The following RP1 variants were observed in gnomAD, a reference collection of about 807,000 sequenced individuals.
RP1 encodes oxygen-regulated protein 1.
RP1 carries 16 observed loss-of-function variants against 14.8 expected under a neutral mutation model. The observed-to-expected ratio is 1.08, with a 90% CI of 0.73 to 1.65. RP1 has a LOEUF of 1.65. Ranked by LOEUF, RP1 falls within the 40% of genes most tolerant of loss-of-function variation. The pLI, the probability that RP1 is intolerant of heterozygous loss-of-function variation, is 0.00. For missense variants in RP1, 2,631 were observed against 2,535.0 expected (o/e 1.04, Z -0.81); for synonymous variants, 876 against 883.6 (o/e 0.99, Z 0.15).
intron 17 of RP1, among the ~76,000 whole-genome samples, chr8:54,729,120 G>A (rs1397273707): frequency 6.6e-6 from 1 of 152,188 alleles, no homozygotes; most frequent in Non-Finnish European, 1.5e-5. Flanking sequence ...AAAAAGAGAA[G>A]ACTTATGATT....
At chr8:54,695,076 CA>C (rs1412384938) in intron 12 of RP1, among the ~76,000 whole-genome samples, 1 of 152,014 alleles carries the variant, frequency 6.6e-6, no homozygotes, top group Admixed American at 6.6e-5. Context: ...TTTCGTTATG[CA>C]CCCAGTAGTC....
At position 54,621,248 on chromosome 8, in the gene RP1, C is replaced by T. The variant is rs768211709; in HGVS notation, c.282C>T (p.Arg94=). ...STPRGRHSIT[R]LEELEDGESY... ...CTCGGGGCAGGCACAGCATCACGCG[C>T]CTGGAGGAGCTGGAGGACGGCGAGT... The change falls in exon 2 of 4, where the codon CGC becomes CGT. Residue 94 remains arginine (R), a synonymous_variant. Transcript: ENST00000220676. 53 of 1,614,052 alleles carry T rather than the reference C, an allele frequency of 3.3e-5. No individual in the cohort carries two copies. The highest frequency in any genetic ancestry group is 4.0e-5 in the Non-Finnish European group (47 of 1,180,044).
At chr8:54,673,919 C>G in exon 8 of RP1, 3 of 1,535,664 alleles carry the variant, frequency 2.0e-6, no homozygotes, top group Non-Finnish European at 2.6e-6. Flanking sequence ...CCATGATGGA[C>G]TTGGCCCAGG....
chr8:54,806,498 C>T (rs1021147999), intron 24 of RP1, among the ~76,000 whole-genome samples: 3 of 152,156 alleles, frequency 2.0e-5, no homozygotes, highest in Non-Finnish European at 4.4e-5. Flanking sequence ...TTTTGGCAGG[C>T]AGTGTGGCAC....
chr8:54,651,876 T>C (rs1182899218), intron 4 of RP1, among the ~76,000 whole-genome samples: 1 of 152,174 alleles, frequency 6.6e-6, no homozygotes, highest in Non-Finnish European at 1.5e-5. Flanking sequence ...TAGCTATAAA[T>C]TTCCCTCAGA....
intron 12 of RP1, among the ~76,000 whole-genome samples, chr8:54,686,019 A>C (rs1246030953): frequency 6.6e-6 from 1 of 152,174 alleles, no homozygotes; most frequent in Non-Finnish European, 1.5e-5. Context: ...AGATCAAACT[A>C]ACTGGTAGAT....
At chr8:54,840,659 C>CA (rs1184823388) in intron 25 of RP1, among the ~76,000 whole-genome samples, 2 of 145,228 alleles carry the variant, frequency 1.4e-5, no homozygotes, top group African/African-American at 5.1e-5. Flanking sequence ...AGAGAAACTT[C>CA]ATTGTATCTT....
In RP1 at chr8:54,627,780, G is replaced by A. The variant is rs1250950998; in HGVS notation, c.3898G>A (p.Gly1300Arg). Residue 1300 changes from glycine (G) to arginine (R), a missense_variant, in exon 4 of 4, where the codon GGA (glycine) becomes AGA (arginine). Transcript: ENST00000220676. ...QTSMNKACFL[G>R]EVCSLTDTVF... Reference sequence around the variant, plus strand: ...TTCTATGAATAAGGCTTGTTTCCTAGGAGAGGTCTGTTCACTTACTGATAC... The same window carrying A: ...TTCTATGAATAAGGCTTGTTTCCTAAGAGAGGTCTGTTCACTTACTGATAC... 3 of 1,614,140 alleles carry A rather than the reference G, an allele frequency of 1.9e-6. No homozygotes were observed. The highest frequency in any genetic ancestry group is 1.7e-5 in the Admixed American group (1 of 60,010).
At chr8:54,739,399 C>G (rs775999818) in intron 19 of RP1, among the ~76,000 whole-genome samples, 1 of 152,034 alleles carries the variant, frequency 6.6e-6, no homozygotes, top group Non-Finnish European at 1.5e-5. Context: ...GTAAGTTGAA[C>G]TGTGGTAAGT....
At chr8:54,772,968 T>C (rs779651355), downstream of RP1, among the ~76,000 whole-genome samples, 3 of 152,232 alleles carry the variant, frequency 2.0e-5, no homozygotes, top group Non-Finnish European at 4.4e-5. Flanking sequence ...TACTCTTTTC[T>C]CAACCTTTGT....
intron 23 of RP1, among the ~76,000 whole-genome samples, chr8:54,779,980 A>G (rs1159551468): frequency 6.7e-6 from 1 of 149,234 alleles, no homozygotes; most frequent in Non-Finnish European, 1.5e-5. Flanking sequence ...TTTACCTTTC[A>G]GTGGGTTAAC....
At chr8:54,648,115 C>T (rs2129324871) in intron 3 of RP1, among the ~76,000 whole-genome samples, 1 of 152,262 alleles carries the variant, frequency 6.6e-6, no homozygotes, top group South Asian at 2.1e-4. Flanking sequence ...ACTTGCTTCT[C>T]CTTTGCCTTC....
At chr8:54,824,101 A>T (rs1498187) in intron 24 of RP1, among the ~76,000 whole-genome samples, 37,158 of 150,722 alleles carry the variant, frequency 0.25, 5,241 homozygotes, top group Middle Eastern at 0.46. Flanking sequence ...TCTCTATATC[A>T]TTTGCCCATT....
intron 1 of RP1, among the ~76,000 whole-genome samples, chr8:54,580,952 T>A (rs1489699384): frequency 6.6e-6 from 1 of 152,198 alleles, no homozygotes; most frequent in Non-Finnish European, 1.5e-5. Context: ...GGATAGTTTG[T>A]AATATTGGAA....
chr8:54,574,816 C>T (rs7815243), intron 1 of RP1, among the ~76,000 whole-genome samples: 26,947 of 152,050 alleles, frequency 0.18, 2,623 homozygotes, highest in South Asian at 0.33. Flanking sequence ...TACCTAGGAA[C>T]GAAAAAATTG....
At chr8:54,844,598 G>T (rs1811869211) in intron 25 of RP1, among the ~76,000 whole-genome samples, 1 of 152,098 alleles carries the variant, frequency 6.6e-6, no homozygotes, top group Non-Finnish European at 1.5e-5. Context: ...CTCTGTGTGT[G>T]CGTATGTGTG....
downstream of RP1, among the ~76,000 whole-genome samples, chr8:54,770,781 T>TA (rs982812239): frequency 6.6e-5 from 10 of 151,752 alleles, no homozygotes; most frequent in African/African-American, 2.4e-4. Flanking sequence ...TTGTACTTTT[T>TA]AAAAAACTTA....
intron 12 of RP1, chr8:54,696,476 G>A (rs1033731313): frequency 5.8e-5 from 52 of 899,376 alleles, no homozygotes; most frequent in South Asian, 1.9e-4. Flanking sequence ...TCAAGCCCTC[G>A]AAGCCACCCA....
At chr8:54,840,416 C>A (rs911681335) in intron 25 of RP1, among the ~76,000 whole-genome samples, 1 of 151,850 alleles carries the variant, frequency 6.6e-6, no homozygotes, top group African/African-American at 2.4e-5. Context: ...CCTCACCTGG[C>A]TAATTTTTGC....
Sources: gnomAD v4.1 joint callset for allele counts (sites outside exome capture counted in the v4.1 genomes callset) on GRCh38, gnomAD v4.1.1 for gene constraint, MANE v1.5 for transcripts, NCBI Gene and HGNC (gene_info 2026-07-23, HGNC 2026-07-21) for gene names.